H2AZ2: variants seen among roughly 807,000 people sequenced by gnomAD.
The protein encoded by H2AZ2 is histone H2A.V.
A neutral mutation model predicts 15.5 loss-of-function variants in H2AZ2; 5 were observed. That is an observed-to-expected ratio of 0.32 (90% CI 0.17 to 0.68). H2AZ2 has a LOEUF of 0.68. Ranked by LOEUF, H2AZ2 falls within the 30% of genes least tolerant of loss-of-function variation. H2AZ2 has a pLI of 0.72. For missense variants in H2AZ2, 42 were observed against 162.5 expected (o/e 0.26, Z 4.03); for synonymous variants, 44 against 57.4 (o/e 0.77, Z 1.05).
At chr7:44,843,868 A>T (rs1192513818) in intron 1 of H2AZ2, among the ~76,000 whole-genome samples, 1 of 152,148 alleles carries the variant, frequency 6.6e-6, no homozygotes, top group African/African-American at 2.4e-5. Flanking sequence ...GAAAAATATG[A>T]GATTTTTAAA....
At chr7:44,835,877 C>G (rs1220000733) in intron 3 of H2AZ2, among the ~76,000 whole-genome samples, 1 of 151,912 alleles carries the variant, frequency 6.6e-6, no homozygotes, top group Non-Finnish European at 1.5e-5. Flanking sequence ...CAAAAACCCA[C>G]TTCTATATAG....
rs552557864 is a variant in H2AZ2, at chr7:44,837,794, A to G, written c.196-2136T>C. Among the ~76,000 whole-genome samples the G allele has an allele frequency of 1.0e-4, 15 of 143,174 alleles. No homozygotes were observed. In the East Asian group the frequency reaches 3.3e-3, roughly 31 times the overall value. The allele number at this position is 143,174 out of a possible 152,430, so 93.9% of individuals were successfully genotyped here. A position where few individuals can be genotyped will look rare whatever the true frequency, so the allele number is the denominator to read the frequency against. ...AGGCATGAGCCACTGTGTAAACTTT[A>G]AAAATTTTAACCAAAGTTCCCAAAG... On this transcript the variant is annotated intron_variant, in intron 3 of 4. Coordinates refer to ENST00000308153, the MANE Select transcript of H2AZ2 (RefSeq NM_012412.5).
chr7:44,830,184 A>C, downstream of H2AZ2: 1 of 1,612,360 alleles, frequency 6.2e-7, no homozygotes, highest in East Asian at 2.2e-5. Context: ...ATAACAGGAC[A>C]AATAGAGAAT....
chr7:44,830,361 C>G (rs896941527), downstream of H2AZ2, among the ~76,000 whole-genome samples: 1 of 152,114 alleles, frequency 6.6e-6, no homozygotes. Flanking sequence ...TCAGAAGCAT[C>G]GCAACAAATT....
At chr7:44,844,934 T>C (rs888254917) in intron 1 of H2AZ2, among the ~76,000 whole-genome samples, 1 of 152,166 alleles carries the variant, frequency 6.6e-6, no homozygotes, top group African/African-American at 2.4e-5. Context: ...ACTAAAGGTC[T>C]GACTTAAGAA....
At chr7:44,845,136 C>G (rs1793365848) in intron 1 of H2AZ2, among the ~76,000 whole-genome samples, 3 of 152,058 alleles carry the variant, frequency 2.0e-5, no homozygotes, top group Admixed American at 1.3e-4. Context: ...CTAAAAATTA[C>G]CCCTGTATAC....
intron 1 of H2AZ2, among the ~76,000 whole-genome samples, chr7:44,846,209 A>C (rs1045664387): frequency 6.6e-6 from 1 of 152,224 alleles, no homozygotes; most frequent in Admixed American, 6.5e-5. Flanking sequence ...TCTATCAAGA[A>C]CGACAACTCA....
chr7:44,847,654 T>C (rs73113146), intron 1 of H2AZ2, among the ~76,000 whole-genome samples: 5,881 of 152,288 alleles, frequency 0.039, 141 homozygotes, highest in Non-Finnish European at 0.055. Context: ...AGCACTTGTT[T>C]CTACATTTCC....
At chr7:44,841,113 T>G in intron 2 of H2AZ2, 101 bp from the exon 3 acceptor site, 1 of 832,114 alleles carries the variant, frequency 1.2e-6, no homozygotes. Flanking sequence ...ATAAAAAACT[T>G]GATCACACAT....
intron 2 of H2AZ2, among the ~76,000 whole-genome samples, chr7:44,842,752 C>T (rs948854761): frequency 3.3e-5 from 5 of 152,128 alleles, no homozygotes; most frequent in Admixed American, 6.6e-5. Flanking sequence ...CCCCTTCTTT[C>T]GGTATCATCT....
chr7:44,830,634 T>C (rs1175610624), downstream of H2AZ2, among the ~76,000 whole-genome samples: 1 of 152,228 alleles, frequency 6.6e-6, no homozygotes, highest in African/African-American at 2.4e-5. Flanking sequence ...TGTCGTACTA[T>C]CTAAAATACA....
chr7:44,847,942 G>GC (rs1793456584), intron 1 of H2AZ2, 27 bp downstream of exon 1: 3 of 1,504,154 alleles, frequency 2.0e-6, no homozygotes, highest in Admixed American at 2.2e-5. Flanking sequence ...CAGGCCCCGT[G>GC]CCCCCGGCCC....
chr7:44,838,113 C>A (rs1337488416), intron 3 of H2AZ2, among the ~76,000 whole-genome samples: 1 of 151,634 alleles, frequency 6.6e-6, no homozygotes, highest in Non-Finnish European at 1.5e-5. Flanking sequence ...TGGGACTATA[C>A]ACAGACACAC....
chr7:44,845,370 T>A (rs1793372301), intron 1 of H2AZ2, among the ~76,000 whole-genome samples: 1 of 152,226 alleles, frequency 6.6e-6, no homozygotes, highest in Non-Finnish European at 1.5e-5. Context: ...CATATTTTAA[T>A]AATTTTTGAC....
chr7:44,827,617 AT>A (rs1450580277), downstream of H2AZ2: 2 of 152,358 alleles, frequency 1.3e-5, no homozygotes, highest in Admixed American at 1.3e-4. Flanking sequence ...ATTTTTTAAA[AT>A]TTTAAAAGGT....
chr7:44,826,924 T>C (rs532365401), exon 5 of H2AZ2: 1 of 152,362 alleles, frequency 6.6e-6, no homozygotes, highest in African/African-American at 2.4e-5. Flanking sequence ...CAATTAAATA[T>C]ACTCTGCATT....
chr7:44,829,367 T>A (rs1053053653), downstream of H2AZ2: 1 of 152,226 alleles, frequency 6.6e-6, no homozygotes, highest in Non-Finnish European at 1.5e-5. Flanking sequence ...TTGGAAGGCT[T>A]AGACGGGCGG....
chr7:44,836,322 A>C (rs1043607979), intron 3 of H2AZ2, among the ~76,000 whole-genome samples: 3 of 151,942 alleles, frequency 2.0e-5, no homozygotes, highest in African/African-American at 7.3e-5. Context: ...TAATAGCTGA[A>C]ATGTATTTCT....
At chr7:44,837,433 G>GAAAAAA (rs71011996) in intron 3 of H2AZ2, among the ~76,000 whole-genome samples, 1 of 87,264 alleles carries the variant, frequency 1.1e-5, no homozygotes. Context: ...AAAAAAAAAA[G>GAAAAAA]AAAAAAAAAA....
Sources: allele counts gnomAD v4.1 joint callset (sites outside exome capture counted in the v4.1 genomes callset), GRCh38; gene constraint gnomAD v4.1.1; transcripts MANE v1.5; gene names NCBI Gene and HGNC (gene_info 2026-07-23, HGNC 2026-07-21).